The following ATL1 variants were observed in gnomAD, a reference collection of about 807,000 sequenced individuals.
ATL1 encodes atlastin GTPase 1.
Under a neutral mutation model 75.5 loss-of-function variants are expected in ATL1, and 31 were observed. The observed-to-expected ratio is 0.41, with a 90% confidence interval of 0.31 to 0.55. The LOEUF (loss-of-function observed/expected upper bound fraction) is 0.55, where lower values mean the gene tolerates loss of function less well. ATL1 is among the 20% of genes least tolerant of loss of function. The pLI is 0.27. For synonymous variants in ATL1, 226 were observed against 233.3 expected (o/e 0.97, Z 0.28); for missense variants, 405 against 662.6 (o/e 0.61, Z 4.27).
chr14:50,594,507 G>T (rs1054282805), intron 5 of ATL1, among the ~76,000 whole-genome samples: 1 of 152,040 alleles, frequency 6.6e-6, no homozygotes, highest in African/African-American at 2.4e-5. Context: ...CACAGCTGAG[G>T]TGATAAGGTT....
chr14:50,539,088 G>A (rs928784564), intron 1 of ATL1, among the ~76,000 whole-genome samples: 4 of 152,206 alleles, frequency 2.6e-5, no homozygotes, highest in African/African-American at 9.7e-5. Flanking sequence ...TCTCAGAAAA[G>A]AGACTCTCAA....
chr14:50,588,101 A>C (rs778760639), intron 2 of ATL1, 23 bp downstream of exon 2: 1 of 1,613,788 alleles, frequency 6.2e-7, no homozygotes, highest in Non-Finnish European at 8.5e-7. Context: ...TACTTTAAAA[A>C]GTTTTCTTTC....
chr14:50,569,903 G>A (rs552142593), intron 1 of ATL1, among the ~76,000 whole-genome samples: 15 of 152,196 alleles, frequency 9.9e-5, no homozygotes, highest in East Asian at 9.6e-4. Context: ...TTTCTGATGT[G>A]AAATTTGCTG....
chr14:50,625,882 G>A (rs2039514799), intron 11 of ATL1, among the ~76,000 whole-genome samples: 1 of 145,998 alleles, frequency 6.8e-6, no homozygotes, highest in South Asian at 2.2e-4. Context: ...CAGCCTGGGT[G>A]ACAGAGTGAG....
intron 1 of ATL1, among the ~76,000 whole-genome samples, chr14:50,568,593 T>C (rs2038926416): frequency 6.6e-6 from 1 of 152,200 alleles, no homozygotes; most frequent in South Asian, 2.1e-4. Flanking sequence ...ATAGACAGCA[T>C]AGAGTTGGAT....
intron 2 of ATL1, among the ~76,000 whole-genome samples, chr14:50,589,407 C>T (rs1277807546): frequency 6.6e-6 from 1 of 152,036 alleles, no homozygotes. Flanking sequence ...ATCCACCTGC[C>T]TCGGCCTCCC....
At chr14:50,593,705 G>A in intron 4 of ATL1, 141 bp from the exon 5 acceptor site, 1 of 589,702 alleles carries the variant, frequency 1.7e-6, no homozygotes, top group Non-Finnish European at 3.1e-6. Context: ...TCTCTCTCAA[G>A]GTCTTACAAA....
At chr14:50,585,553 A>T (rs2039094056) in intron 1 of ATL1, among the ~76,000 whole-genome samples, 1 of 152,280 alleles carries the variant, frequency 6.6e-6, no homozygotes, top group Admixed American at 6.5e-5. Context: ...GTAATCAGAC[A>T]TGAATAGATA....
At chr14:50,578,513 C>T (rs2039027352) in intron 1 of ATL1, among the ~76,000 whole-genome samples, 1 of 152,170 alleles carries the variant, frequency 6.6e-6, no homozygotes, top group Non-Finnish European at 1.5e-5. Flanking sequence ...TCTTCCTGAC[C>T]TGGCCCCTCA....
chr14:50,609,605 A>G (rs1208810166), intron 6 of ATL1, among the ~76,000 whole-genome samples: 2 of 152,050 alleles, frequency 1.3e-5, no homozygotes, highest in South Asian at 2.1e-4. Flanking sequence ...TGGAAACTCT[A>G]TAGTCCTGAA....
intron 1 of ATL1, among the ~76,000 whole-genome samples, chr14:50,579,147 A>G (rs1176849826): frequency 6.7e-6 from 1 of 149,376 alleles, no homozygotes; most frequent in East Asian, 2.0e-4. Context: ...TAGGTCTGTG[A>G]TTTATTTGGA....
At chr14:50,570,684 T>C (rs2038946996) in intron 1 of ATL1, among the ~76,000 whole-genome samples, 1 of 152,194 alleles carries the variant, frequency 6.6e-6, no homozygotes. Flanking sequence ...AAGTAATTGT[T>C]GAGTAGGGTT....
At chr14:50,569,902 T>C (rs2983419) in intron 1 of ATL1, among the ~76,000 whole-genome samples, 150,642 of 152,268 alleles carry the variant, frequency 0.99, 74,534 homozygotes, top group Middle Eastern at 1. Context: ...GTTTCTGATG[T>C]GAAATTTGCT....
chr14:50,557,075 A>G (rs1349186635), upstream of ATL1, among the ~76,000 whole-genome samples: 1 of 152,198 alleles, frequency 6.6e-6, no homozygotes, highest in East Asian at 1.9e-4. Context: ...ACTTTTTCCC[A>G]AAGTATCTGC....
At chr14:50,613,940 A>G (rs1404161431) in intron 7 of ATL1, among the ~76,000 whole-genome samples, 2 of 152,226 alleles carry the variant, frequency 1.3e-5, no homozygotes, top group East Asian at 3.8e-4. Context: ...CCAACTATTC[A>G]GATTCCATTC....
rs1595629137 is a variant in ATL1, at chr14:50,632,552, C to T, written c.*213C>T. 1 of 424,804 alleles carries T rather than the reference C, an allele frequency of 2.4e-6. No homozygotes were observed. The highest frequency in any genetic ancestry group is 4.4e-6 in the Non-Finnish European group (1 of 227,842). 26.3% of individuals were successfully genotyped at this position (424,804 alleles called of 1,614,324 possible). ...ACTATTTTGTTAACATGTACAATTT[C>T]CTGATTTTTCTTCAAAAATGCTGTT... On this transcript the variant is annotated 3_prime_UTR_variant, in exon 14 of 14. Transcript: ENST00000358385.
At chr14:50,619,455 G>C (rs1422992367) in intron 8 of ATL1, among the ~76,000 whole-genome samples, 2 of 152,000 alleles carry the variant, frequency 1.3e-5, no homozygotes, top group Non-Finnish European at 1.5e-5. Context: ...CACCTGCCTC[G>C]GCCTCCCAAA....
chr14:50,581,306 AT>A (rs2039052872), intron 1 of ATL1, among the ~76,000 whole-genome samples: 1 of 151,612 alleles, frequency 6.6e-6, no homozygotes, highest in Admixed American at 6.6e-5. Context: ...TATATGTCAT[AT>A]TTTAAATATT....
chr14:50,538,801 T>C (rs193185938), intron 1 of ATL1, among the ~76,000 whole-genome samples: 1 of 152,336 alleles, frequency 6.6e-6, no homozygotes, highest in African/African-American at 2.4e-5. Flanking sequence ...CTTAACCCTG[T>C]CATCTAATCA....
Sources: allele counts gnomAD v4.1 joint callset (sites outside exome capture counted in the v4.1 genomes callset), GRCh38; gene constraint gnomAD v4.1.1; transcripts MANE v1.5; gene names NCBI Gene and HGNC (gene_info 2026-07-23, HGNC 2026-07-21).